CPSF3: variants seen among roughly 807,000 people sequenced by gnomAD.
CPSF3 encodes cleavage and polyadenylation specific factor 3, also known as cleavage and polyadenylation specificity factor subunit 3.
Under a neutral mutation model 84.1 loss-of-function variants are expected in CPSF3, and 57 were observed. That is an observed-to-expected ratio of 0.68 (90% CI 0.55 to 0.85). The LOEUF is 0.85. Among genes scored for constraint, CPSF3 ranks in the 40% least tolerant of loss-of-function variants. The pLI, the probability that CPSF3 is intolerant of heterozygous loss-of-function variation, is 0.00. For missense variants in CPSF3, 522 were observed against 838.8 expected, an observed-to-expected ratio of 0.62 and a Z score of 4.66; for synonymous variants, 275 against 278.1, an observed-to-expected ratio of 0.99 and a Z score of 0.11.
rs543727439 is a variant in CPSF3 at position 9,459,638 on chromosome 2, CTTTTTTTTTTT to C, written c.1786+38_1786+48del. ...GAAAAGGTAAGAGTTCATTTTTATC[CTTTTTTTTTTT>C]TTTTTTTTTTTTTTTTTGGAGACGG... On this transcript the variant is annotated intron_variant, in intron 15 of 17. Transcript: ENST00000238112. 102 of 310,470 alleles carry C rather than the reference CTTTTTTTTTTT, an allele frequency of 3.3e-4. No individual in the cohort carries two copies. The highest frequency in any genetic ancestry group is 2.1e-3 in the African/African-American group (49 of 23,190). 19.2% of individuals were successfully genotyped at this position (310,470 alleles called of 1,614,324 possible). A position where few individuals can be genotyped will look rare whatever the true frequency, so the allele number is the denominator to read the frequency against.
At position 9,432,643 on chromosome 2, in the gene CPSF3, C is replaced by T. The variant is rs555398264; in HGVS notation, c.474C>T (p.His158=). 562 of 1,570,680 alleles carry T rather than the reference C, an allele frequency of 3.6e-4. 8 individuals are homozygous for T. The South Asian group carries it at 6.2e-3, about 17-fold the overall frequency. The stretch of plus-strand genomic sequence containing the variant: ...AGTTTTGGTGTTACCATGCAGGTCA[C>T]GTCCTAGGAGCCGCCATGTTCATGA... The part of the protein sequence containing the change: ...GIKFWCYHAG[H]VLGAAMFMIE... The change falls in exon 5 of 18, where the codon CAC becomes CAT. Residue 158 remains histidine, a synonymous_variant. Transcript: ENST00000238112.
At chr2:9,460,206 G>A (rs1681688036) in intron 15 of CPSF3, among the ~76,000 whole-genome samples, 1 of 152,102 alleles carries the variant, frequency 6.6e-6, no homozygotes, top group Admixed American at 6.6e-5. Context: ...CGGGCGCACG[G>A]ATCACAAGGT....
rs529060048 is a variant in CPSF3 at position 9,434,150 on chromosome 2, G to C, written c.609+190G>C. Among the ~76,000 whole-genome samples the C allele has an allele frequency of 1.3e-5, 2 of 152,000 alleles. 1 individual carries two copies. The highest frequency in any genetic ancestry group is 4.2e-4 in the South Asian group (2 of 4,808). On this transcript the variant is annotated intron_variant, in intron 6 of 17. Coordinates refer to ENST00000238112, the MANE Select transcript of CPSF3 (RefSeq NM_016207.4). ...AATCCTAGCGCTTTGGGAGGCTGAG[G>C]TGGGCAGATCACTTAAGGCCAGGAG... is the stretch of plus-strand genomic sequence containing the variant.
At chr2:9,465,866 T>C (rs572117955) in intron 15 of CPSF3, among the ~76,000 whole-genome samples, 45 of 152,296 alleles carry the variant, frequency 3.0e-4, no homozygotes, top group Non-Finnish European at 7.3e-5. Context: ...TATCCATATA[T>C]ATGGGGTGTG....
intron 16 of CPSF3, among the ~76,000 whole-genome samples, chr2:9,470,911 C>A (rs575993288): frequency 1.3e-5 from 2 of 152,338 alleles, no homozygotes; most frequent in African/African-American, 4.8e-5. Context: ...AAATAAGAAG[C>A]TTGTCTCAAA....
Position 9,433,961 on chromosome 2 carries a change from G to GT in CPSF3, c.609+2dup. The GT allele has an allele frequency of 6.6e-7, 1 of 1,516,526 alleles. No individual in the cohort carries two copies. Among genetic ancestry groups the GT allele is most frequent in the Non-Finnish European group, 9.1e-7 (1 of 1,092,972 alleles). The allele number at this position is 1,516,526 out of a possible 1,614,324, so 93.9% of individuals were successfully genotyped here. ...TATTAAGCCTGATATTCTTATCATT[G>GT]TAAGTATTAATATACTATATTGTAA... On this transcript the variant is annotated splice_donor_variant, in intron 6 of 17. Coordinates refer to ENST00000238112, the MANE Select transcript of CPSF3 (RefSeq NM_016207.4). LOFTEE classifies it high-confidence loss of function.
chr2:9,431,152 G>A (rs1680570858), intron 4 of CPSF3, among the ~76,000 whole-genome samples: 1 of 152,098 alleles, frequency 6.6e-6, no homozygotes, highest in South Asian at 2.1e-4. Flanking sequence ...AGCCACCTGG[G>A]CTCAAGCAGT....
chr2:9,451,757 T>C (rs1442678026), intron 11 of CPSF3, among the ~76,000 whole-genome samples: 29 of 148,096 alleles, frequency 2.0e-4, no homozygotes, highest in Admixed American at 1.6e-3. Context: ...TCGCTCTGTC[T>C]CCAGGCTGGA....
At position 9,432,333 on chromosome 2, in the gene CPSF3, A is replaced by G. The variant is rs568165147; in HGVS notation, c.342-178A>G. On this transcript the variant is annotated intron_variant, in intron 4 of 17. Coordinates refer to ENST00000238112, the MANE Select transcript of CPSF3 (RefSeq NM_016207.4). ...TTAAAATCAAGTTTTGTAGCTATAC[A>G]CACAATAGAGTAAAAAAAAAATACA... 3.2e-5 allele frequency among the ~76,000 whole-genome samples: 4 copies of G among 124,226 alleles called. No individual in the cohort carries two copies. The South Asian group carries it at 9.8e-4, about 30-fold the overall frequency. The allele number at this position is 124,226 out of a possible 152,430, so 81.5% of individuals were successfully genotyped here. A position where few individuals can be genotyped will look rare whatever the true frequency, so the allele number is the denominator to read the frequency against.
Position 9,457,000 on chromosome 2 carries a change from A to T in CPSF3, c.1671A>T (p.Ile557=). ...ALKVFKNITV[I]QEPGMVVLEW... is the part of the protein sequence containing the mutation. Reference sequence around the variant, plus strand: ...AAGTGTTCAAAAATATTACTGTAATACAAGAACCAGGCATGGTGGTATTAG... The same window carrying T: ...AAGTGTTCAAAAATATTACTGTAATTCAAGAACCAGGCATGGTGGTATTAG... The change falls in exon 14 of 18, where the codon ATA becomes ATT. Residue 557 remains isoleucine, a synonymous_variant. Transcript: ENST00000238112. 6.2e-7 allele frequency: 1 copy of T among 1,600,906 alleles called. No individual in the cohort carries two copies. Among genetic ancestry groups the T allele is most frequent in the South Asian group, 1.1e-5 (1 of 88,428 alleles).
At chr2:9,458,361 G>A (rs765708831) in intron 14 of CPSF3, among the ~76,000 whole-genome samples, 9 of 152,056 alleles carry the variant, frequency 5.9e-5, no homozygotes, top group South Asian at 2.1e-4. Context: ...CCAGGATCAC[G>A]CCACTGCACT....
At chr2:9,466,396 ACACACG>A (rs1309301919) in intron 15 of CPSF3, among the ~76,000 whole-genome samples, 6 of 140,810 alleles carry the variant, frequency 4.3e-5, no homozygotes, top group African/African-American at 1.0e-4. Context: ...ACACGCGCAC[ACACACG>A]CACGCGCACA....
chr2:9,438,334 G>A (rs1020343186), intron 7 of CPSF3, among the ~76,000 whole-genome samples: 26 of 152,112 alleles, frequency 1.7e-4, no homozygotes, highest in African/African-American at 6.0e-4. Context: ...TTCGTAACCT[G>A]TAAGATGAAG....
chr2:9,440,618 G>T lies in CPSF3; in HGVS notation c.888G>T (p.Gln296His), dbSNP rs1680935487. 1 of 1,614,180 alleles carries T rather than the reference G, an allele frequency of 6.2e-7. No individual in the cohort carries two copies. Among genetic ancestry groups the T allele is most frequent in the Non-Finnish European group, 8.5e-7 (1 of 1,180,028 alleles). Residue 296 changes from glutamine (Q) to histidine (H), a missense_variant, in exon 8 of 18, where the codon CAG (glutamine) becomes CAT (histidine). By Grantham distance (24) the Gln-to-His change is conservative (BLOSUM62 0). Transcript: ENST00000238112. ...CCATGAATGACAAAATCCGCAAACA[G>T]ATCAACATCAATAATCCCTTTGTTT... is the stretch of plus-strand genomic sequence containing the variant. ...VNAMNDKIRK[Q>H]ININNPFVFK...
intron 14 of CPSF3, among the ~76,000 whole-genome samples, chr2:9,458,430 AAGG>A (rs1179925138): frequency 6.6e-6 from 1 of 152,156 alleles, no homozygotes; most frequent in Non-Finnish European, 1.5e-5. Context: ...AGAAAGTGAA[AAGG>A]AGTAGTTATC....
At chr2:9,459,890 C>T (rs906016982) in intron 15 of CPSF3, among the ~76,000 whole-genome samples, 10 of 151,692 alleles carry the variant, frequency 6.6e-5, no homozygotes, top group Admixed American at 1.3e-4. Context: ...CCTCGTGATC[C>T]GCCCGCCTCA....
chr2:9,454,787 A>G (rs1438103614), intron 12 of CPSF3, among the ~76,000 whole-genome samples: 2 of 151,720 alleles, frequency 1.3e-5, no homozygotes, highest in Non-Finnish European at 2.9e-5. Flanking sequence ...CTCGTGATCC[A>G]CCTGCCTAGG....
chr2:9,450,737 G>A (rs1011235657), intron 11 of CPSF3, among the ~76,000 whole-genome samples: 3 of 152,098 alleles, frequency 2.0e-5, no homozygotes, highest in African/African-American at 7.2e-5. Flanking sequence ...GCAGTGAGCC[G>A]AGATCATGCC....
intron 5 of CPSF3, among the ~76,000 whole-genome samples, chr2:9,432,927 A>C (rs886322217): frequency 6.6e-6 from 1 of 152,250 alleles, no homozygotes; most frequent in Non-Finnish European, 1.5e-5. Context: ...AAAAGAGTAA[A>C]ATAAACATCT....
Sources: allele counts gnomAD v4.1 joint callset (sites outside exome capture counted in the v4.1 genomes callset), GRCh38; gene constraint gnomAD v4.1.1; transcripts MANE v1.5; gene names NCBI Gene and HGNC (gene_info 2026-07-23, HGNC 2026-07-21).